TMEM165: variants seen among roughly 807,000 people sequenced by gnomAD.
TMEM165 encodes the protein transmembrane protein 165.
Under a neutral mutation model 30.0 loss-of-function variants are expected in TMEM165, and 19 were observed. The ratio of observed to expected loss-of-function variants is 0.63; its 90% CI spans 0.44 to 0.93. The LOEUF (loss-of-function observed/expected upper bound fraction) is 0.93. Among genes scored for constraint, TMEM165 ranks in the 40% least tolerant of loss-of-function variants. TMEM165 has a pLI of 0.00. For synonymous variants in TMEM165, 168 were observed against 162.9 expected (o/e 1.03, Z -0.24); for missense variants, 340 against 417.0 (o/e 0.82, Z 1.61).
chr4:55,414,722 C>A (rs1216386669), intron 2 of TMEM165, among the ~76,000 whole-genome samples: 1 of 152,120 alleles, frequency 6.6e-6, no homozygotes, highest in South Asian at 2.1e-4. Flanking sequence ...ATATCCATAG[C>A]CTTTTTTTAA....
chr4:55,433,871 TCCCTA>T (rs1722682191), intron 3 of TMEM165: 1 of 152,176 alleles, frequency 6.6e-6, no homozygotes, highest in Non-Finnish European at 1.5e-5. Context: ...CATAGCCAAA[TCCCTA>T]CCCCTTCTTT....
intron 4 of TMEM165, among the ~76,000 whole-genome samples, chr4:55,418,784 C>A (rs1455178740): frequency 6.6e-6 from 1 of 152,090 alleles, no homozygotes; most frequent in African/African-American, 2.4e-5. Flanking sequence ...CCGTCCCTCA[C>A]GCCTGTAATC....
chr4:55,423,071 T>G (rs1456953168), intron 4 of TMEM165: 1 of 152,296 alleles, frequency 6.6e-6, no homozygotes, highest in African/African-American at 2.4e-5. Context: ...GCCTCCTGAA[T>G]AGCTGGAACT....
At chr4:55,437,302 A>G (rs1217363942) in intron 3 of TMEM165, among the ~76,000 whole-genome samples, 5 of 152,218 alleles carry the variant, frequency 3.3e-5, no homozygotes, top group African/African-American at 1.2e-4. Context: ...GAAATTGATG[A>G]TAAGTGCCCA....
intron 3 of TMEM165, chr4:55,448,733 A>G (rs764023233): frequency 1.3e-6 from 2 of 1,494,832 alleles, no homozygotes; most frequent in Non-Finnish European, 1.9e-6. Context: ...CTTAAAAGCA[A>G]TTTATCATAT....
chr4:55,418,271 T>G (rs1721822082), intron 4 of TMEM165: 1 of 296,514 alleles, frequency 3.4e-6, no homozygotes, highest in South Asian at 9.3e-5. Context: ...TTGGTTTTCT[T>G]ATCATAGAAC....
rs368098655 is a variant in TMEM165 at position 55,434,999 on chromosome 4, C to T, written c.408+10356C>T. 4 of 254,282 alleles carry T rather than the reference C, an allele frequency of 1.6e-5. No homozygotes were observed. The East Asian group carries it at 3.8e-4, about 24-fold the overall frequency. The allele number at this position is 254,282 out of a possible 1,614,324, so 15.8% of individuals were successfully genotyped here. ...CTACTGGACTGTCTTCATGGCATCA[C>T]TGTAAGCAAACCCCTGACATGGCAG... On this transcript the variant is annotated intron_variant, in intron 3 of 3. Transcript: ENST00000608091.
chr4:55,423,308 C>G (rs912309904), intron 4 of TMEM165: 3 of 152,254 alleles, frequency 2.0e-5, no homozygotes, highest in Admixed American at 6.5e-5. Context: ...TTCACCTGCT[C>G]TTTGCCTACA....
intron 3 of TMEM165, among the ~76,000 whole-genome samples, chr4:55,450,985 T>C (rs1724392097): frequency 6.6e-6 from 1 of 151,900 alleles, no homozygotes; most frequent in African/African-American, 2.4e-5. Flanking sequence ...AATGTTTCTT[T>C]CTCCATCAGC....
chr4:55,449,045 C>G (rs986780963), intron 3 of TMEM165, among the ~76,000 whole-genome samples: 4 of 152,058 alleles, frequency 2.6e-5, no homozygotes, highest in African/African-American at 9.7e-5. Flanking sequence ...CCCTATTTAT[C>G]TTTTATTTTC....
intron 1 of TMEM165, 64 bp downstream of exon 1, chr4:55,396,460 G>C (rs1720732217): frequency 1.5e-6 from 2 of 1,306,188 alleles, no homozygotes; most frequent in Non-Finnish European, 2.0e-6. Flanking sequence ...CCAGGCTCCA[G>C]GCCTTTGAAA....
chr4:55,410,712 A>T (rs1330785762), intron 1 of TMEM165, among the ~76,000 whole-genome samples: 1 of 152,060 alleles, frequency 6.6e-6, no homozygotes, highest in South Asian at 2.1e-4. Context: ...TGTTAATGAA[A>T]TTTTTCTTAG....
At chr4:55,453,008 T>G in exon 4 of TMEM165, 2 of 1,318,266 alleles carry the variant, frequency 1.5e-6, no homozygotes, top group Non-Finnish European at 2.1e-6. Flanking sequence ...TCATCTTTTA[T>G]TGGGGAGAAA....
chr4:55,412,089 TATTGTGTAAA>T (rs1721526647), intron 2 of TMEM165: 1 of 539,252 alleles, frequency 1.9e-6, no homozygotes, highest in Admixed American at 3.2e-5. Flanking sequence ...ATTTCTGTTA[TATTGTGTAAA>T]GTAAGACAGT....
intron 3 of TMEM165, among the ~76,000 whole-genome samples, chr4:55,441,723 G>A (rs1723384654): frequency 1.3e-5 from 2 of 152,180 alleles, no homozygotes; most frequent in Non-Finnish European, 2.9e-5. Context: ...AGACTTTGGA[G>A]GAGGATGGTG....
intron 3 of TMEM165, among the ~76,000 whole-genome samples, chr4:55,450,663 G>T (rs891822972): frequency 6.6e-6 from 1 of 152,062 alleles, no homozygotes; most frequent in Non-Finnish European, 1.5e-5. Context: ...CAGCTACTCC[G>T]GCGGCTGAGG....
In TMEM165 at chr4:55,442,590, T is replaced by C. The variant is rs767919843; in HGVS notation, c.409-9649T>C. On this transcript the variant is annotated intron_variant, in intron 3 of 3. Transcript: ENST00000608091. Reference sequence around the variant, plus strand: ...TAAGAGTGCTCTGTGTCTGACTGGGTAGAGATGTTTGCTGACTGTGCCCAC... The same window carrying C: ...TAAGAGTGCTCTGTGTCTGACTGGGCAGAGATGTTTGCTGACTGTGCCCAC... The C allele has an allele frequency of 3.1e-6, 5 of 1,612,098 alleles. No homozygotes were observed. The East Asian group carries it at 6.7e-5, about 22-fold the overall frequency.
intron 3 of TMEM165, chr4:55,444,879 T>A (rs1560417924): frequency 7.8e-7 from 1 of 1,282,034 alleles, no homozygotes; most frequent in Non-Finnish European, 1.1e-6. Flanking sequence ...ATAACATGAG[T>A]GAAGGATGAT....
At chr4:55,417,046 C>G in intron 2 of TMEM165, 26 bp from the exon 3 acceptor site, 1 of 1,559,896 alleles carries the variant, frequency 6.4e-7, no homozygotes, top group Non-Finnish European at 8.7e-7. Context: ...ACTCGATTAA[C>G]AAACATACTG....
Sources: gnomAD v4.1 joint callset for allele counts (sites outside exome capture counted in the v4.1 genomes callset) on GRCh38, gnomAD v4.1.1 for gene constraint, MANE v1.5 for transcripts, NCBI Gene and HGNC (gene_info 2026-07-23, HGNC 2026-07-21) for gene names.